Variants in BMPR1B observed in about 807,000 individuals in gnomAD.
BMPR1B encodes bone morphogenetic protein receptor type-1B.
In BMPR1B, 12 loss-of-function variants were observed where a neutral mutation model predicts 59.1. That is an observed-to-expected ratio of 0.20 (90% CI 0.13 to 0.33). BMPR1B has a LOEUF of 0.33. BMPR1B is among the 10% of genes least tolerant of loss of function. The pLI is 1.00. For missense variants in BMPR1B, 550 were observed against 610.9 expected, an observed-to-expected ratio of 0.90 and a Z score of 1.05; for synonymous variants, 237 against 207.3, an observed-to-expected ratio of 1.14 and a Z score of -1.23.
chr4:95,069,714 A>T (rs1728130757), intron 3 of BMPR1B, among the ~76,000 whole-genome samples: 1 of 152,114 alleles, frequency 6.6e-6, no homozygotes, highest in Admixed American at 6.5e-5. Context: ...GTTTCTTTCT[A>T]CTGCTATGTC....
chr4:94,919,892 A>G (rs1292028270), intron 2 of BMPR1B, among the ~76,000 whole-genome samples: 1 of 152,226 alleles, frequency 6.6e-6, no homozygotes, highest in Non-Finnish European at 1.5e-5. Context: ...ATACTGATGA[A>G]TAAAAGTGGG....
intron 2 of BMPR1B, among the ~76,000 whole-genome samples, chr4:94,907,748 A>C (rs926276765): frequency 6.6e-6 from 1 of 151,672 alleles, no homozygotes; most frequent in Non-Finnish European, 1.5e-5. Flanking sequence ...TTAATCTATT[A>C]ATTCATTCAG....
At chr4:94,828,920 T>C (rs557538331) in intron 1 of BMPR1B, among the ~76,000 whole-genome samples, 5 of 152,224 alleles carry the variant, frequency 3.3e-5, no homozygotes, top group Admixed American at 3.3e-4. Context: ...AAGAAGGCCC[T>C]TCTATTCTGA....
intron 3 of BMPR1B, among the ~76,000 whole-genome samples, chr4:95,070,699 C>G (rs981346752): frequency 3.3e-5 from 5 of 152,122 alleles, no homozygotes; most frequent in African/African-American, 4.8e-5. Flanking sequence ...ATATGTAACT[C>G]ACTGTGTTCC....
At position 95,117,631 on chromosome 4, in the gene BMPR1B, T is replaced by A. The variant is rs574874919; in HGVS notation, c.349+1844T>A. ...GGCTCCATCTCTAAAAAAAAAAAAA[T>A]TTTAATGATCTGGGCATGGTGGTAT... On this transcript the variant is annotated intron_variant, in intron 6 of 12. Transcript: ENST00000515059. Among the ~76,000 whole-genome samples, 349 of 151,314 alleles carry A rather than the reference T, an allele frequency of 2.3e-3. 1 individual carries two copies. Among genetic ancestry groups the A allele is most frequent in the African/African-American group, 7.2e-3 (298 of 41,272 alleles).
intron 3 of BMPR1B, among the ~76,000 whole-genome samples, chr4:95,082,931 A>G (rs1729279380): frequency 6.7e-6 from 1 of 150,212 alleles, no homozygotes; most frequent in South Asian, 2.1e-4. Context: ...CCAGCTACTC[A>G]AGAGGCTGAG....
At chr4:94,933,093 A>T (rs1288550065) in intron 2 of BMPR1B, among the ~76,000 whole-genome samples, 1 of 152,084 alleles carries the variant, frequency 6.6e-6, no homozygotes, top group African/African-American at 2.4e-5. Flanking sequence ...TATATAAAAG[A>T]TGTATATATA....
At chr4:95,045,291 GA>G (rs924531371) in intron 3 of BMPR1B, among the ~76,000 whole-genome samples, 1 of 152,062 alleles carries the variant, frequency 6.6e-6, no homozygotes, top group African/African-American at 2.4e-5. Context: ...AGTTTCCCTT[GA>G]AATATAATGA....
At chr4:94,797,514 A>G (rs1020755193) in intron 1 of BMPR1B, among the ~76,000 whole-genome samples, 4 of 152,218 alleles carry the variant, frequency 2.6e-5, no homozygotes, top group Non-Finnish European at 4.4e-5. Context: ...ACGAAATATT[A>G]AATATGACTT....
chr4:94,901,468 G>T (rs1363615785), intron 2 of BMPR1B, among the ~76,000 whole-genome samples: 3 of 151,954 alleles, frequency 2.0e-5, no homozygotes, highest in Non-Finnish European at 4.4e-5. Flanking sequence ...CCGGATGGCA[G>T]TTTATTACTG....
At chr4:94,891,923 A>G (rs1258020936) in intron 2 of BMPR1B, among the ~76,000 whole-genome samples, 1 of 152,100 alleles carries the variant, frequency 6.6e-6, no homozygotes, top group African/African-American at 2.4e-5. Flanking sequence ...GAGACAAATC[A>G]GTGATAGTTT....
At chr4:94,920,589 G>T (rs146836222) in intron 2 of BMPR1B, among the ~76,000 whole-genome samples, 2,520 of 152,256 alleles carry the variant, frequency 0.017, 75 homozygotes, top group African/African-American at 0.057. Flanking sequence ...CCATGTTAAA[G>T]GACTGTGGGA....
At chr4:95,093,312 A>G (rs993593838) in intron 3 of BMPR1B, among the ~76,000 whole-genome samples, 2 of 152,134 alleles carry the variant, frequency 1.3e-5, no homozygotes, top group African/African-American at 4.8e-5. Context: ...CTCTAAATTC[A>G]AAAGCAGAGT....
intron 1 of BMPR1B, among the ~76,000 whole-genome samples, chr4:94,799,634 T>A (rs1422944220): frequency 6.6e-6 from 1 of 150,446 alleles, no homozygotes; most frequent in Non-Finnish European, 1.5e-5. Context: ...TTTTTTTCCC[T>A]CTTTTGTTTT....
At position 95,140,008 on chromosome 4, in the gene BMPR1B, C is replaced by T. The variant is rs112992115; in HGVS notation, c.1076+8496C>T. On this transcript the variant is annotated intron_variant, in intron 10 of 12. Coordinates refer to ENST00000515059, the MANE Select transcript of BMPR1B (RefSeq NM_001203.3). ...AAATGCAGAAATCACTCATCTTCTG[C>T]GTCGCTCATGGTGGGAGCTATAGAC... Among the ~76,000 whole-genome samples, 578 of 152,292 alleles carry T rather than the reference C, an allele frequency of 3.8e-3. 3 individuals carry two copies. Among genetic ancestry groups the T allele is most frequent in the African/African-American group, 0.013 (527 of 41,560 alleles).
At position 94,840,392 on chromosome 4, in the gene BMPR1B, G is replaced by C. The variant is rs1394909314; in HGVS notation, c.-182-35439G>C. ...GGTTCCATTCTCCGCGTCACTTTCA[G>C]GTACACCAATCAGATGTAGATTTGG... On this transcript the variant is annotated intron_variant, in intron 1 of 12. Transcript: ENST00000515059. Among the ~76,000 whole-genome samples, 4 of 148,110 alleles carry C rather than the reference G, an allele frequency of 2.7e-5. 1 individual carries two copies. Among genetic ancestry groups the C allele is most frequent in the Non-Finnish European group, 6.0e-5 (4 of 66,440 alleles).
intron 1 of BMPR1B, among the ~76,000 whole-genome samples, chr4:94,809,205 G>A (rs911079243): frequency 6.6e-6 from 1 of 152,132 alleles, no homozygotes; most frequent in African/African-American, 2.4e-5. Flanking sequence ...CACATGAGGA[G>A]GGCATGATAG....
intron 1 of BMPR1B, among the ~76,000 whole-genome samples, chr4:94,863,417 G>A (rs1190109847): frequency 2.0e-5 from 3 of 152,148 alleles, no homozygotes; most frequent in South Asian, 2.1e-4. Context: ...TATATCAGTC[G>A]AGGGTAGTCA....
chr4:95,063,706 C>T (rs1727584514), intron 3 of BMPR1B, among the ~76,000 whole-genome samples: 1 of 152,060 alleles, frequency 6.6e-6, no homozygotes, highest in Admixed American at 6.6e-5. Flanking sequence ...ATAAAACAAA[C>T]TACAGACAGG....
Sources: allele counts gnomAD v4.1 joint callset (sites outside exome capture counted in the v4.1 genomes callset), GRCh38; gene constraint gnomAD v4.1.1; transcripts MANE v1.5; gene names NCBI Gene and HGNC (gene_info 2026-07-23, HGNC 2026-07-21).